LANCL1: variants seen among roughly 807,000 people sequenced by gnomAD.
LANCL1 encodes the protein LanC like glutathione S-transferase 1.
In LANCL1, 50 loss-of-function variants were observed where a neutral mutation model predicts 50.6. The ratio of observed to expected loss-of-function variants is 0.99; its 90% confidence interval spans 0.79 to 1.25. LANCL1 has a LOEUF of 1.25. LANCL1 is among the 50% of genes most tolerant of loss of function. LANCL1 has a pLI of 0.00. For missense variants in LANCL1, 532 were observed against 480.7 expected (o/e 1.11, Z -1.00); for synonymous variants, 188 against 178.6 (o/e 1.05, Z -0.42).
In LANCL1 at chr2:210,465,353, C is replaced by A. The variant is rs867278826; in HGVS notation, c.199+6606G>T. 1.2e-4 allele frequency among the ~76,000 whole-genome samples: 18 copies of A among 152,266 alleles called. 1 individual carries two copies. The highest frequency in any genetic ancestry group is 9.8e-4 in the Admixed American group (15 of 15,292). ...ACTAGTGATGCTGAAAGTGCTTCCA[C>A]GAAGCAGAAAAAAGTCGTGACATTA... On this transcript the variant is annotated intron_variant, in intron 3 of 9. Coordinates refer to ENST00000450366, the MANE Select transcript of LANCL1 (RefSeq NM_006055.3).
chr2:210,448,575 T>C (rs1693418673), intron 4 of LANCL1, among the ~76,000 whole-genome samples: 1 of 152,100 alleles, frequency 6.6e-6, no homozygotes, highest in Admixed American at 6.6e-5. Context: ...GTTGGTTTTT[T>C]GAAAAGATCA....
intron 4 of LANCL1, chr2:210,442,396 T>TG (rs1693169329): frequency 3.9e-5 from 6 of 152,232 alleles, no homozygotes; most frequent in African/African-American, 1.2e-4. Context: ...ACAATACATC[T>TG]TGACAATGGT....
intron 3 of LANCL1, among the ~76,000 whole-genome samples, chr2:210,470,798 C>T (rs1324728072): frequency 1.3e-5 from 2 of 152,146 alleles, no homozygotes; most frequent in Non-Finnish European, 2.9e-5. Flanking sequence ...AAGGCAAATT[C>T]CTGGGTTCTG....
At chr2:210,446,572 A>G (rs1330544975) in intron 4 of LANCL1, among the ~76,000 whole-genome samples, 1 of 151,540 alleles carries the variant, frequency 6.6e-6, no homozygotes, top group South Asian at 2.1e-4. Flanking sequence ...CTAAAGGAGC[A>G]TGTTCTAACC....
At chr2:210,435,358 AG>A in intron 9 of LANCL1, 28 bp downstream of exon 9, 1 of 1,545,560 alleles carries the variant, frequency 6.5e-7, no homozygotes. Flanking sequence ...CTGATATTAT[AG>A]GGCAAATAAA....
chr2:210,471,603 C>A (rs935917098), intron 3 of LANCL1: 1 of 474,600 alleles, frequency 2.1e-6, no homozygotes, highest in East Asian at 6.4e-5. Context: ...TCATTACCTC[C>A]GCTTCAGGCA....
intron 3 of LANCL1, among the ~76,000 whole-genome samples, chr2:210,470,442 A>C (rs1394235502): frequency 6.6e-6 from 1 of 152,136 alleles, no homozygotes; most frequent in Non-Finnish European, 1.5e-5. Flanking sequence ...AAATAGAATC[A>C]TGTGTCATTA....
intron 3 of LANCL1, among the ~76,000 whole-genome samples, chr2:210,467,477 C>G (rs1694102092): frequency 6.6e-6 from 1 of 152,176 alleles, no homozygotes; most frequent in Admixed American, 6.5e-5. Flanking sequence ...TCCACTTCCA[C>G]TCAATGAACA....
chr2:210,464,469 A>T (rs1001769318), intron 3 of LANCL1, among the ~76,000 whole-genome samples: 1 of 103,620 alleles, frequency 9.7e-6, no homozygotes, highest in African/African-American at 3.1e-5. Context: ...CAGATTTAAA[A>T]ATATATATAT....
chr2:210,476,222 A>C, intron 2 of LANCL1, 94 bp downstream of exon 2: 1 of 729,682 alleles, frequency 1.4e-6, no homozygotes, highest in Non-Finnish European at 2.3e-6. Flanking sequence ...TATTTTTTTA[A>C]AGGGGGATGC....
At chr2:210,465,820 G>T (rs556350057) in intron 3 of LANCL1, among the ~76,000 whole-genome samples, 1 of 152,198 alleles carries the variant, frequency 6.6e-6, no homozygotes, top group Non-Finnish European at 1.5e-5. Flanking sequence ...CGAGGAGAAA[G>T]GCTATCTGCC....
intron 3 of LANCL1, among the ~76,000 whole-genome samples, chr2:210,461,497 A>G (rs754890070): frequency 3.3e-5 from 5 of 152,182 alleles, no homozygotes; most frequent in Admixed American, 6.5e-5. Context: ...CCCACATGTG[A>G]AATCTGCAGC....
Position 210,464,871 on chromosome 2 carries a change from C to A in LANCL1, c.199+7088G>T, listed in dbSNP as rs1182541882. Among the ~76,000 whole-genome samples, 5 of 149,664 alleles carry A rather than the reference C, an allele frequency of 3.3e-5. No individual in the cohort carries two copies. In the South Asian group the frequency reaches 1.0e-3, roughly 31 times the overall value. On this transcript the variant is annotated intron_variant, in intron 3 of 9. Coordinates refer to ENST00000450366, the MANE Select transcript of LANCL1 (RefSeq NM_006055.3). ...GTCCCAGCTACTCGGGAGGCTGAGG[C>A]AGGAGAATGGCGTGAACCCGGGAAG...
chr2:210,441,192 A>G, intron 5 of LANCL1, 116 bp downstream of exon 5: 1 of 1,044,864 alleles, frequency 9.6e-7, no homozygotes, highest in Non-Finnish European at 1.4e-6. Context: ...TTAGAGGTCC[A>G]GATACACCTT....
Position 210,434,351 on chromosome 2 carries a change from A to G in LANCL1, c.*136T>C, listed in dbSNP as rs1692846638. The G allele has an allele frequency of 1.6e-6, 1 of 624,494 alleles. No individual in the cohort carries two copies. The highest frequency in any genetic ancestry group is 2.7e-5 in the East Asian group (1 of 36,370). The allele number at this position is 624,494 out of a possible 1,614,324, so 38.7% of individuals were successfully genotyped here. ...AATGGAAGGGAACTGAATGAAAGAT[A>G]AATTCTGAAAAAAGCTAACAAAATC... On this transcript the variant is annotated 3_prime_UTR_variant, in exon 10 of 10. Transcript: ENST00000450366.
At chr2:210,442,969 C>CT (rs910720491) in intron 4 of LANCL1, among the ~76,000 whole-genome samples, 10 of 152,194 alleles carry the variant, frequency 6.6e-5, no homozygotes, top group Admixed American at 4.6e-4. Flanking sequence ...AGCCTAAACT[C>CT]TGAGGGAGGG....
chr2:210,458,434 G>T (rs919943192), intron 3 of LANCL1, among the ~76,000 whole-genome samples: 1 of 152,144 alleles, frequency 6.6e-6, no homozygotes, highest in African/African-American at 2.4e-5. Flanking sequence ...ACTTAGATTT[G>T]TTTTGTTAAA....
Position 210,433,785 on chromosome 2 carries a change from A to C in LANCL1, c.*702T>G, listed in dbSNP as rs1312371947. 2.0e-5 allele frequency: 3 copies of C among 152,240 alleles called. No homozygotes were observed. Among genetic ancestry groups the C allele is most frequent in the African/African-American group, 7.2e-5 (3 of 41,470 alleles). The allele number at this position is 152,240 out of a possible 1,614,324, so 9.4% of individuals were successfully genotyped here. A position where few individuals can be genotyped will look rare whatever the true frequency, so the allele number is the denominator to read the frequency against. ...CTTATCTTAAACTAACCTTCAACTCAGAATTTTCACAATGATCATCATGTT... is the reference window on the plus strand; with the variant it reads ...CTTATCTTAAACTAACCTTCAACTCCGAATTTTCACAATGATCATCATGTT... On this transcript the variant is annotated 3_prime_UTR_variant, in exon 10 of 10. Coordinates refer to ENST00000450366, the MANE Select transcript of LANCL1 (RefSeq NM_006055.3).
chr2:210,476,526 C>G (rs907296266), intron 1 of LANCL1, 94 bp downstream of exon 1: 38 of 1,407,326 alleles, frequency 2.7e-5, no homozygotes, highest in Non-Finnish European at 3.2e-5. Flanking sequence ...GCCATCGAGC[C>G]GTCTCGGCGG....
Sources: gnomAD v4.1 joint callset for allele counts (sites outside exome capture counted in the v4.1 genomes callset) on GRCh38, gnomAD v4.1.1 for gene constraint, MANE v1.5 for transcripts, NCBI Gene and HGNC (gene_info 2026-07-23, HGNC 2026-07-21) for gene names.